TMBIM4: variants seen among roughly 807,000 people sequenced by gnomAD.
The protein encoded by TMBIM4 is transmembrane BAX inhibitor motif containing 4, also known as protein lifeguard 4.
Under a neutral mutation model 27.7 loss-of-function variants are expected in TMBIM4, and 28 were observed. That is an observed-to-expected ratio of 1.01 (90% CI 0.75 to 1.38). The LOEUF (loss-of-function observed/expected upper bound fraction) is 1.38. TMBIM4 is among the 40% of genes most tolerant of loss of function. The pLI is 0.00. For synonymous variants in TMBIM4, 115 were observed against 113.1 expected (o/e 1.02, Z -0.11); for missense variants, 265 against 277.5 (o/e 0.95, Z 0.32).
intron 1 of TMBIM4, among the ~76,000 whole-genome samples, chr12:66,165,741 T>C (rs2052115584): frequency 6.6e-6 from 1 of 152,232 alleles, no homozygotes; most frequent in Admixed American, 6.5e-5. Flanking sequence ...ATGTAGTCTA[T>C]CTTATTTTCT....
intron 6 of TMBIM4, 172 bp from the exon 7 acceptor site, chr12:66,138,338 T>C (rs945924002): frequency 1.8e-5 from 17 of 963,724 alleles, no homozygotes; most frequent in Non-Finnish European, 2.0e-5. Flanking sequence ...CTTGCCTCTG[T>C]TGGATGGAAG....
intron 5 of TMBIM4, among the ~76,000 whole-genome samples, chr12:66,140,115 T>G (rs1265736161): frequency 1.3e-5 from 2 of 152,056 alleles, no homozygotes; most frequent in East Asian, 3.9e-4. Flanking sequence ...TAAAAAATTA[T>G]AAAGGCATGC....
chr12:66,142,541 G>C (rs539489602), intron 5 of TMBIM4, among the ~76,000 whole-genome samples: 1 of 151,706 alleles, frequency 6.6e-6, no homozygotes, highest in African/African-American at 2.4e-5. Context: ...GTGATGCTAA[G>C]AGGGCCACAT....
At chr12:66,163,029 G>A (rs1451233627) in intron 1 of TMBIM4, among the ~76,000 whole-genome samples, 2 of 152,168 alleles carry the variant, frequency 1.3e-5, no homozygotes, top group Non-Finnish European at 2.9e-5. Flanking sequence ...TTTATTAAAT[G>A]TATGTTAATG....
At chr12:66,152,581 A>G (rs1041678320) in intron 2 of TMBIM4, among the ~76,000 whole-genome samples, 2 of 152,118 alleles carry the variant, frequency 1.3e-5, no homozygotes, top group Non-Finnish European at 2.9e-5. Context: ...GACAAAGAAA[A>G]GAGCCCAAAA....
chr12:66,160,687 G>A (rs143112090), intron 1 of TMBIM4, among the ~76,000 whole-genome samples: 56 of 152,204 alleles, frequency 3.7e-4, no homozygotes, highest in Admixed American at 5.2e-4. Flanking sequence ...CTTTAATGTC[G>A]AAAATGCAAA....
At chr12:66,148,207 T>C (rs1253284133) in intron 3 of TMBIM4, among the ~76,000 whole-genome samples, 5 of 152,198 alleles carry the variant, frequency 3.3e-5, no homozygotes, top group African/African-American at 1.2e-4. Flanking sequence ...ACTATAAATA[T>C]AGAACATTCT....
At chr12:66,149,444 CAAA>C (rs61425460) in intron 3 of TMBIM4, among the ~76,000 whole-genome samples, 5 of 74,500 alleles carry the variant, frequency 6.7e-5, no homozygotes, top group South Asian at 4.5e-4. Context: ...GACCCTGTCT[CAAA>C]AAAAAAAAAA....
chr12:66,164,718 A>G (rs2052097540), intron 1 of TMBIM4, among the ~76,000 whole-genome samples: 1 of 152,236 alleles, frequency 6.6e-6, no homozygotes, highest in Non-Finnish European at 1.5e-5. Flanking sequence ...TCTATTCAAC[A>G]TAGTACAGGA....
At chr12:66,142,361 G>T (rs141267659) in intron 5 of TMBIM4, among the ~76,000 whole-genome samples, 1 of 150,508 alleles carries the variant, frequency 6.6e-6, no homozygotes, top group Non-Finnish European at 1.5e-5. Flanking sequence ...TGCACCATGG[G>T]GTATGGGGAA....
intron 1 of TMBIM4, chr12:66,169,153 C>A (rs1257381020): frequency 1.6e-6 from 1 of 644,320 alleles, no homozygotes; most frequent in Admixed American, 2.5e-5. Flanking sequence ...GGCTGAAAGT[C>A]TGGGGCTGTT....
chr12:66,139,313 G>A lies in TMBIM4; in HGVS notation c.465-544C>T, dbSNP rs535048190. Among the ~76,000 whole-genome samples, 30 of 152,204 alleles carry A rather than the reference G, an allele frequency of 2.0e-4. No individual in the cohort carries two copies. The South Asian group carries it at 6.0e-3, about 31-fold the overall frequency. On this transcript the variant is annotated intron_variant, in intron 5 of 6. Transcript: ENST00000358230. ...AGAGAGTATAAATTATATAAGAAAG[G>A]ACATCTAAGAAGTCAGTCTTTTGTT...
At chr12:66,147,590 T>C (rs1307307202) in intron 4 of TMBIM4, among the ~76,000 whole-genome samples, 2 of 152,218 alleles carry the variant, frequency 1.3e-5, no homozygotes, top group East Asian at 3.8e-4. Context: ...TCAGAACACA[T>C]GTTCTCAGTT....
chr12:66,167,670 T>C (rs1177966662), intron 1 of TMBIM4, among the ~76,000 whole-genome samples: 2 of 152,304 alleles, frequency 1.3e-5, no homozygotes, highest in Admixed American at 1.3e-4. Flanking sequence ...GAATGTAAAA[T>C]GATGTAGCCC....
intron 1 of TMBIM4, among the ~76,000 whole-genome samples, chr12:66,162,937 C>T (rs1273829257): frequency 6.6e-6 from 1 of 152,244 alleles, no homozygotes; most frequent in Non-Finnish European, 1.5e-5. Context: ...GCCTTAAGAA[C>T]AGTGACTGTG....
At chr12:66,169,737 G>T in intron 1 of TMBIM4, 118 bp downstream of exon 1, 3 of 750,796 alleles carry the variant, frequency 4.0e-6, no homozygotes, top group African/African-American at 1.9e-5. Flanking sequence ...GGAGCTCAGT[G>T]AGCACTCCCT....
chr12:66,169,292 A>G (rs766893987), intron 1 of TMBIM4: 6 of 698,708 alleles, frequency 8.6e-6, no homozygotes, highest in South Asian at 6.0e-5. Context: ...AGACTGACTT[A>G]GGAAGCTTCT....
In TMBIM4 at chr12:66,162,751, T is replaced by C. The variant is rs140514744; in HGVS notation, c.97+7104A>G. 1.6e-3 allele frequency among the ~76,000 whole-genome samples: 247 copies of C among 152,368 alleles called. 2 individuals are homozygous for C. Among genetic ancestry groups the C allele is most frequent in the African/African-American group, 5.7e-3 (237 of 41,588 alleles). On this transcript the variant is annotated intron_variant, in intron 1 of 6. Transcript: ENST00000358230. The stretch of plus-strand genomic sequence containing the variant: ...TGCAGACCACCCCAATCTGCACGTA[T>C]ATCCCAAGCTGCAATTTTGTTATTC...
intron 1 of TMBIM4, among the ~76,000 whole-genome samples, chr12:66,166,464 C>CAAAAAAAAAAAAAAAAAAAAAAAAA (rs59822799): frequency 9.9e-6 from 1 of 100,704 alleles, no homozygotes; most frequent in Non-Finnish European, 2.1e-5. Flanking sequence ...TACTTTGTCT[C>CAAAAAAAAAAAAAAAAAAAAAAAAA]AAAAAAAAAA....
Sources: allele counts gnomAD v4.1 joint callset (sites outside exome capture counted in the v4.1 genomes callset), GRCh38; gene constraint gnomAD v4.1.1; transcripts MANE v1.5; gene names NCBI Gene and HGNC (gene_info 2026-07-23, HGNC 2026-07-21).